PRR5L: variants seen among roughly 807,000 people sequenced by gnomAD.
PRR5L encodes proline-rich protein 5-like.
In PRR5L, 21 loss-of-function variants were observed where a neutral mutation model predicts 36.4. The observed-to-expected ratio is 0.58, with a 90% CI of 0.41 to 0.83. The LOEUF (loss-of-function observed/expected upper bound fraction) is 0.83. Ranked by LOEUF, PRR5L falls within the 40% of genes least tolerant of loss-of-function variation. The pLI, the probability that PRR5L is intolerant of heterozygous loss-of-function variation, is 0.00. For missense variants in PRR5L, 381 were observed against 473.3 expected (o/e 0.80, Z 1.81); for synonymous variants, 188 against 197.0 (o/e 0.95, Z 0.38).
chr11:36,465,126 TC>T lies in PRR5L; in HGVS notation c.*2391del, dbSNP rs1859270228. 1 of 152,226 alleles carries T rather than the reference TC, an allele frequency of 6.6e-6. No homozygotes were observed. Among genetic ancestry groups the T allele is most frequent in the Admixed American group, 6.5e-5 (1 of 15,286 alleles). The allele number at this position is 152,226 out of a possible 1,614,324, so 9.4% of individuals were successfully genotyped here. On this transcript the variant is annotated 3_prime_UTR_variant, in exon 9 of 9. Coordinates refer to ENST00000530639, the MANE Select transcript of PRR5L (RefSeq NM_001160167.2). ...TTTGATGACAGGAAGCAATCATGAC[TC>T]TTCAAGTGAGCTCACAGAAACCTTT... is the stretch of plus-strand genomic sequence containing the variant.
At chr11:36,428,296 A>T (rs1336950831) in intron 4 of PRR5L, among the ~76,000 whole-genome samples, 1 of 152,254 alleles carries the variant, frequency 6.6e-6, no homozygotes, top group Admixed American at 6.5e-5. Flanking sequence ...TTATCCCTTC[A>T]GACTTCACTT....
intron 1 of PRR5L, among the ~76,000 whole-genome samples, chr11:36,328,075 T>A (rs1856682967): frequency 6.6e-6 from 1 of 152,168 alleles, no homozygotes; most frequent in African/African-American, 2.4e-5. Context: ...TCTGTCAACA[T>A]GACAAAAGAC....
At chr11:36,446,232 C>A (rs1858825723) in intron 6 of PRR5L, 68 bp from the exon 7 acceptor site, 1 of 1,563,034 alleles carries the variant, frequency 6.4e-7, no homozygotes, top group Admixed American at 1.7e-5. Context: ...TTGTCTTGAA[C>A]CCCACATGGT....
intron 1 of PRR5L, among the ~76,000 whole-genome samples, chr11:36,331,573 A>G (rs1856719548): frequency 1.3e-5 from 2 of 152,242 alleles, no homozygotes; most frequent in Admixed American, 1.3e-4. Flanking sequence ...AAACTTTCAT[A>G]ACTTCCTACT....
chr11:36,302,628 A>C (rs560237182), intron 1 of PRR5L, among the ~76,000 whole-genome samples: 1 of 152,024 alleles, frequency 6.6e-6, no homozygotes, highest in African/African-American at 2.4e-5. Context: ...TCTACTAAAC[A>C]TACAAAAAAT....
chr11:36,358,844 G>A (rs1358394297), intron 1 of PRR5L, among the ~76,000 whole-genome samples: 2 of 152,188 alleles, frequency 1.3e-5, no homozygotes, highest in Non-Finnish European at 2.9e-5. Flanking sequence ...TACTGAAGAG[G>A]AAGGAAAGAT....
intron 1 of PRR5L, chr11:36,394,466 A>G (rs558731483): frequency 2.0e-5 from 3 of 152,254 alleles, no homozygotes; most frequent in Non-Finnish European, 4.4e-5. Context: ...GGCTGCTATA[A>G]CAAATGACCA....
intron 2 of PRR5L, 47 bp downstream of exon 2, chr11:36,401,332 G>A (rs750341104): frequency 3.8e-6 from 6 of 1,579,154 alleles, no homozygotes; most frequent in African/African-American, 1.3e-5. Flanking sequence ...CAAGGGCCAT[G>A]GCAGGGAGGG....
chr11:36,363,041 T>C (rs1857109287), intron 1 of PRR5L, among the ~76,000 whole-genome samples: 1 of 152,240 alleles, frequency 6.6e-6, no homozygotes, highest in Non-Finnish European at 1.5e-5. Flanking sequence ...GCTATGTCAC[T>C]GGACCAGGCC....
At chr11:36,433,079 GA>G (rs778277881) in intron 5 of PRR5L, among the ~76,000 whole-genome samples, 3 of 150,080 alleles carry the variant, frequency 2.0e-5, no homozygotes, top group Non-Finnish European at 4.4e-5. Context: ...AAGACCTTTA[GA>G]AAAAAAAATT....
intron 1 of PRR5L, among the ~76,000 whole-genome samples, chr11:36,360,078 CA>C (rs1241962006): frequency 0.044 from 351 of 8,030 alleles, 1 homozygote; most frequent in African/African-American, 0.13. Context: ...CACACACCCA[CA>C]CACACACACA....
intron 6 of PRR5L, among the ~76,000 whole-genome samples, chr11:36,437,726 T>C (rs923561265): frequency 6.6e-6 from 1 of 152,206 alleles, no homozygotes; most frequent in Non-Finnish European, 1.5e-5. Context: ...GAGTATGTCT[T>C]TATATTCTTG....
intron 8 of PRR5L, among the ~76,000 whole-genome samples, chr11:36,461,944 G>T (rs996357607): frequency 1.3e-5 from 2 of 152,164 alleles, no homozygotes; most frequent in Non-Finnish European, 2.9e-5. Context: ...CATGGGAGAG[G>T]CCACTCCTGC....
intron 1 of PRR5L, among the ~76,000 whole-genome samples, chr11:36,350,241 A>AGT (rs1359065526): frequency 1.5e-5 from 2 of 137,798 alleles, no homozygotes; most frequent in Non-Finnish European, 3.1e-5. Context: ...GGTATAAGTG[A>AGT]GTGTGTGTGT....
At chr11:36,405,256 C>T (rs11033593) in intron 3 of PRR5L, among the ~76,000 whole-genome samples, 7,269 of 152,192 alleles carry the variant, frequency 0.048, 241 homozygotes, top group African/African-American at 0.088. Context: ...AGAGGATTAC[C>T]CTGGTAGAAC....
intron 1 of PRR5L, among the ~76,000 whole-genome samples, chr11:36,353,547 C>T (rs1856996753): frequency 6.6e-6 from 1 of 152,154 alleles, no homozygotes; most frequent in Admixed American, 6.5e-5. Flanking sequence ...GAGCAGCAGT[C>T]CCCAACTTTT....
chr11:36,306,655 A>G (rs1027526950), intron 1 of PRR5L, among the ~76,000 whole-genome samples: 1 of 152,152 alleles, frequency 6.6e-6, no homozygotes, highest in African/African-American at 2.4e-5. Flanking sequence ...ATGATCTTGC[A>G]AAGTTGCCTT....
intron 1 of PRR5L, among the ~76,000 whole-genome samples, chr11:36,363,901 G>A (rs1447387811): frequency 6.6e-6 from 1 of 152,170 alleles, no homozygotes; most frequent in East Asian, 1.9e-4. Context: ...AAGCTCCATG[G>A]CCCTGTTTAA....
chr11:36,371,098 C>A (rs1857193580), intron 1 of PRR5L, among the ~76,000 whole-genome samples: 1 of 152,152 alleles, frequency 6.6e-6, no homozygotes. Context: ...ATGATAAAAC[C>A]CAACATACCA....
Sources: allele counts gnomAD v4.1 joint callset (sites outside exome capture counted in the v4.1 genomes callset), GRCh38; gene constraint gnomAD v4.1.1; transcripts MANE v1.5; gene names NCBI Gene and HGNC (gene_info 2026-07-23, HGNC 2026-07-21).